The following STAC variants were observed in gnomAD, a reference collection of about 807,000 sequenced individuals.
STAC encodes SH3 and cysteine-rich domain-containing protein.
Under a neutral mutation model 48.8 loss-of-function variants are expected in STAC, and 43 were observed. That is an observed-to-expected ratio of 0.88 (90% CI 0.69 to 1.14). The LOEUF (loss-of-function observed/expected upper bound fraction) is 1.14. STAC is among the 50% of genes most tolerant of loss of function. The pLI is 0.00. For missense variants in STAC, 497 were observed against 504.0 expected (o/e 0.99, Z 0.13); for synonymous variants, 193 against 179.5 (o/e 1.07, Z -0.60).
chr3:36,477,018 T>A (rs1449054693), intron 2 of STAC, among the ~76,000 whole-genome samples: 1 of 152,216 alleles, frequency 6.6e-6, no homozygotes, highest in Non-Finnish European at 1.5e-5. Context: ...TGTATTTACC[T>A]TAGAATCACT....
intron 2 of STAC, among the ~76,000 whole-genome samples, chr3:36,452,586 T>C (rs1251312304): frequency 6.6e-6 from 1 of 152,218 alleles, no homozygotes; most frequent in African/African-American, 2.4e-5. Context: ...GCAAGAAATA[T>C]TATCATTAGA....
chr3:36,473,370 G>A (rs1697395880), intron 2 of STAC, among the ~76,000 whole-genome samples: 1 of 152,170 alleles, frequency 6.6e-6, no homozygotes, highest in Admixed American at 6.5e-5. Flanking sequence ...AGTTAGCTAT[G>A]TGCAGTTCAG....
intron 10 of STAC, among the ~76,000 whole-genome samples, chr3:36,538,342 A>T (rs1225965666): frequency 6.6e-6 from 1 of 152,172 alleles, no homozygotes; most frequent in Non-Finnish European, 1.5e-5. Flanking sequence ...TACAATATTT[A>T]GCATTTGGCC....
intron 1 of STAC, among the ~76,000 whole-genome samples, chr3:36,420,404 A>G (rs1250561228): frequency 1.3e-5 from 2 of 152,100 alleles, no homozygotes; most frequent in East Asian, 1.9e-4. Flanking sequence ...GGGGTCCCCA[A>G]CCCCTGGGCC....
Position 36,483,125 on chromosome 3 carries a change from C to T in STAC, c.489+33C>T, listed in dbSNP as rs749206789. The T allele has an allele frequency of 6.5e-6, 10 of 1,531,690 alleles. No individual in the cohort carries two copies. The South Asian group carries it at 7.9e-5, about 12-fold the overall frequency. The allele number at this position is 1,531,690 out of a possible 1,614,324, so 94.9% of individuals were successfully genotyped here. A position where few individuals can be genotyped will look rare whatever the true frequency, so the allele number is the denominator to read the frequency against. ...CTTGTGCCAGGAGTGAGGCCCACACCTCTCTGCTAGGGCACTTGCCTGCTG... is the reference window on the plus strand; with the variant it reads ...CTTGTGCCAGGAGTGAGGCCCACACTTCTCTGCTAGGGCACTTGCCTGCTG... On this transcript the variant is annotated intron_variant, in intron 3 of 10. Transcript: ENST00000273183.
chr3:36,466,621 T>G (rs1190742070), intron 2 of STAC, among the ~76,000 whole-genome samples: 1 of 152,070 alleles, frequency 6.6e-6, no homozygotes, highest in Admixed American at 6.6e-5. Flanking sequence ...CTGGAATGGA[T>G]TGAGTTCTTT....
chr3:36,512,752 A>G (rs1389310850), intron 8 of STAC, among the ~76,000 whole-genome samples: 1 of 152,164 alleles, frequency 6.6e-6, no homozygotes, highest in Non-Finnish European at 1.5e-5. Context: ...CATTGCATAG[A>G]CTGCAAGATT....
chr3:36,506,121 T>G (rs944805731), intron 8 of STAC: 7 of 234,200 alleles, frequency 3.0e-5, no homozygotes. Flanking sequence ...ACCACTTTAG[T>G]ACATGCTCAA....
chr3:36,481,538 G>A (rs1050960786), intron 2 of STAC, among the ~76,000 whole-genome samples: 2 of 152,014 alleles, frequency 1.3e-5, no homozygotes, highest in African/African-American at 4.8e-5. Flanking sequence ...TGTACAGTGG[G>A]GTATCTTGAC....
At chr3:36,440,370 G>A (rs1696309629) in intron 1 of STAC, among the ~76,000 whole-genome samples, 1 of 152,078 alleles carries the variant, frequency 6.6e-6, no homozygotes, top group Non-Finnish European at 1.5e-5. Context: ...ATTTGACAAG[G>A]ACTCAGCTGG....
At position 36,410,527 on chromosome 3, in the gene STAC, C is replaced by T. The variant is rs184257326; in HGVS notation, c.111+29773C>T. On this transcript the variant is annotated intron_variant, in intron 1 of 10. Transcript: ENST00000273183. ...CTTGACCATTTTGGGCAAACAGCTC[C>T]CCAGGGCCCACTGCCATTGATCAGG... is the stretch of plus-strand genomic sequence containing the variant. Among the ~76,000 whole-genome samples the T allele has an allele frequency of 3.5e-4, 54 of 152,276 alleles. No individual in the cohort carries two copies. In the East Asian group the frequency reaches 8.3e-3, roughly 23 times the overall value.
At chr3:36,541,315 C>G (rs1319386933) in intron 10 of STAC, among the ~76,000 whole-genome samples, 1 of 152,158 alleles carries the variant, frequency 6.6e-6, no homozygotes, top group Non-Finnish European at 1.5e-5. Context: ...ATTAAATTTA[C>G]CTAAGTCACA....
chr3:36,538,017 A>G (rs961611217), intron 10 of STAC, among the ~76,000 whole-genome samples: 2 of 152,122 alleles, frequency 1.3e-5, no homozygotes, highest in Non-Finnish European at 2.9e-5. Flanking sequence ...AGAAAATTTG[A>G]GGGAAAATAT....
intron 8 of STAC, among the ~76,000 whole-genome samples, chr3:36,512,992 C>CAATACCCAGTGTA (rs1698579537): frequency 6.6e-6 from 1 of 152,112 alleles, no homozygotes; most frequent in African/African-American, 2.4e-5. Context: ...TATCCACCCA[C>CAATACCCAGTGTA]CTTCTGATCC....
chr3:36,444,899 C>T (rs755192703), intron 2 of STAC, among the ~76,000 whole-genome samples: 9 of 152,112 alleles, frequency 5.9e-5, no homozygotes, highest in Admixed American at 2.0e-4. Flanking sequence ...GGGCCGGGGG[C>T]GATGGAGGGT....
chr3:36,475,755 T>C lies in STAC; in HGVS notation c.389-7237T>C, dbSNP rs1000766732. On this transcript the variant is annotated intron_variant, in intron 2 of 10. Coordinates refer to ENST00000273183, the MANE Select transcript of STAC (RefSeq NM_003149.3). ...TCAAGAGGCACAGCTAACTTAGTTC[T>C]TGTCCAGATAGATTTCAACATCTAC... Among the ~76,000 whole-genome samples the C allele has an allele frequency of 3.9e-5, 6 of 152,208 alleles. No individual in the cohort carries two copies. In the South Asian group the frequency reaches 1.2e-3, roughly 32 times the overall value.
chr3:36,440,883 T>C (rs1696327159), intron 1 of STAC, among the ~76,000 whole-genome samples: 2 of 152,348 alleles, frequency 1.3e-5, no homozygotes, highest in Admixed American at 6.5e-5. Flanking sequence ...ACCACACTTA[T>C]GGAGACCCTT....
chr3:36,419,063 A>G (rs1027104811), intron 1 of STAC, among the ~76,000 whole-genome samples: 1 of 151,946 alleles, frequency 6.6e-6, no homozygotes, highest in African/African-American at 2.4e-5. Context: ...AAAAAAAAAA[A>G]AGAAATTATC....
At chr3:36,406,858 A>G (rs1171657995) in intron 1 of STAC, among the ~76,000 whole-genome samples, 1 of 152,228 alleles carries the variant, frequency 6.6e-6, no homozygotes, top group Non-Finnish European at 1.5e-5. Flanking sequence ...CTATTATCTT[A>G]CACAATATTC....
Sources: allele counts gnomAD v4.1 joint callset (sites outside exome capture counted in the v4.1 genomes callset), GRCh38; gene constraint gnomAD v4.1.1; transcripts MANE v1.5; gene names NCBI Gene and HGNC (gene_info 2026-07-23, HGNC 2026-07-21).